Variants in DAPK2 observed in about 807,000 individuals in gnomAD.
The protein encoded by DAPK2 is death-associated protein kinase 2.
In DAPK2, 35 loss-of-function variants were observed where a neutral mutation model predicts 44.1. The ratio of observed to expected loss-of-function variants is 0.79; its 90% CI spans 0.61 to 1.05. The LOEUF (loss-of-function observed/expected upper bound fraction) is 1.05, where lower values mean the gene tolerates loss of function less well. Ranked by LOEUF, DAPK2 falls within the 50% of genes least tolerant of loss-of-function variation. The probability of loss-of-function intolerance (pLI) is 0.00; values close to 1 mark genes in which losing one functional copy is unlikely to be tolerated. For synonymous variants in DAPK2, 174 were observed against 182.6 expected (o/e 0.95, Z 0.38); for missense variants, 453 against 483.2 (o/e 0.94, Z 0.59).
chr15:64,001,445 A>C (rs1002339797), intron 1 of DAPK2, among the ~76,000 whole-genome samples: 1 of 152,132 alleles, frequency 6.6e-6, no homozygotes, highest in African/African-American at 2.4e-5. Flanking sequence ...TCTCTCCAAA[A>C]TTCAGAGCAA....
In DAPK2 at chr15:63,911,513, T is replaced by A. The variant is rs941058593; in HGVS notation, c.1032+395A>T. On this transcript the variant is annotated intron_variant, in intron 10 of 10. Coordinates refer to ENST00000261891, the Ensembl canonical transcript of DAPK2. ...TATTGTCTAAATATTATGATGATGG[T>A]AATCTGAAACAAAGCAGAAATAGAA... 7.3e-5 allele frequency: 17 copies of A among 232,212 alleles called. No individual in the cohort carries two copies. In the Admixed American group the frequency reaches 8.2e-4, roughly 11 times the overall value. The allele number at this position is 232,212 out of a possible 1,614,324, so 14.4% of individuals were successfully genotyped here.
chr15:63,965,191 C>T (rs112394132), intron 3 of DAPK2, among the ~76,000 whole-genome samples: 4,146 of 152,348 alleles, frequency 0.027, 196 homozygotes, highest in African/African-American at 0.09. Context: ...CCCAGTAATG[C>T]TGTGGTTCTT....
At chr15:63,988,348 A>G (rs751351418) in intron 1 of DAPK2, among the ~76,000 whole-genome samples, 3 of 152,090 alleles carry the variant, frequency 2.0e-5, no homozygotes, top group Non-Finnish European at 2.9e-5. Context: ...AATGTCCCCA[A>G]CCTCAGCTCT....
chr15:63,925,328 C>T (rs1057183128), intron 7 of DAPK2, among the ~76,000 whole-genome samples: 7 of 152,124 alleles, frequency 4.6e-5, no homozygotes, highest in African/African-American at 7.2e-5. Flanking sequence ...CCACTCTGGC[C>T]CTCTCTGAAG....
At chr15:64,035,933 C>T (rs946299413) in intron 1 of DAPK2, among the ~76,000 whole-genome samples, 35 of 152,118 alleles carry the variant, frequency 2.3e-4, no homozygotes, top group African/African-American at 8.2e-4. Context: ...CAGAGATGCT[C>T]TTACTCATAG....
At chr15:63,951,676 G>C (rs1453475120) in intron 3 of DAPK2, among the ~76,000 whole-genome samples, 1 of 152,154 alleles carries the variant, frequency 6.6e-6, no homozygotes, top group Non-Finnish European at 1.5e-5. Context: ...TGGTACCATA[G>C]CACATTGATG....
In DAPK2 at chr15:63,939,120, A is replaced by T; in HGVS notation, c.583+112T>A. On this transcript the variant is annotated intron_variant, in intron 4 of 10. Transcript: ENST00000261891. This position sits in a 1 kb window ranked among gnomAD's most constrained non-coding sequence, Gnocchi z 4.3. ...CCCATTAGGTTTCTAGAGATGTCCC[A>T]ATGCATCATCTCTTTGCTCAGAGGC... is the stretch of plus-strand genomic sequence containing the variant. 2 of 1,516,484 alleles carry T rather than the reference A, an allele frequency of 1.3e-6. No homozygotes were observed. Among genetic ancestry groups the T allele is most frequent in the South Asian group, 2.6e-5 (2 of 78,084 alleles). The allele number at this position is 1,516,484 out of a possible 1,614,324, so 93.9% of individuals were successfully genotyped here. A position where few individuals can be genotyped will look rare whatever the true frequency, so the allele number is the denominator to read the frequency against.
chr15:63,996,583 T>A (rs1325223779), intron 1 of DAPK2, among the ~76,000 whole-genome samples: 2 of 152,236 alleles, frequency 1.3e-5, no homozygotes, highest in African/African-American at 4.8e-5. Context: ...CCTCTCATCA[T>A]AGGTTGCCTC....
At chr15:63,952,055 C>A (rs1006377846) in intron 3 of DAPK2, among the ~76,000 whole-genome samples, 2 of 152,140 alleles carry the variant, frequency 1.3e-5, no homozygotes, top group Admixed American at 6.5e-5. Flanking sequence ...GCCTGGCCAA[C>A]ATGGTGAAAA....
chr15:63,924,338 G>A (rs1382728927), intron 8 of DAPK2, among the ~76,000 whole-genome samples: 3 of 152,104 alleles, frequency 2.0e-5, no homozygotes, highest in African/African-American at 7.2e-5. Context: ...TCTGTCTCAG[G>A]CCCCATTCCT....
At chr15:64,034,059 C>A (rs1885905304) in intron 1 of DAPK2, among the ~76,000 whole-genome samples, 1 of 152,060 alleles carries the variant, frequency 6.6e-6, no homozygotes, top group Non-Finnish European at 1.5e-5. Context: ...CTATAATAAA[C>A]AAACATCTTT....
At chr15:63,970,797 T>C (rs1318753429) in intron 3 of DAPK2, among the ~76,000 whole-genome samples, 1 of 152,250 alleles carries the variant, frequency 6.6e-6, no homozygotes, top group Non-Finnish European at 1.5e-5. Flanking sequence ...CTGATCCTTC[T>C]ACTTTGACCA....
chr15:64,024,019 G>A (rs143523870), intron 1 of DAPK2, among the ~76,000 whole-genome samples: 204 of 152,302 alleles, frequency 1.3e-3, no homozygotes, highest in African/African-American at 3.9e-3. Flanking sequence ...TCTACCTTGC[G>A]CGGTTAAGTA....
intron 3 of DAPK2, among the ~76,000 whole-genome samples, chr15:63,948,257 T>A (rs1595778868): frequency 1.0e-5 from 1 of 97,678 alleles, no homozygotes; most frequent in Non-Finnish European, 1.9e-5. Context: ...CATGATGGAG[T>A]GAGACTCCAT....
chr15:64,028,305 T>C (rs1212240373), intron 1 of DAPK2, among the ~76,000 whole-genome samples: 1 of 152,208 alleles, frequency 6.6e-6, no homozygotes, highest in East Asian at 1.9e-4. Context: ...GTGATCTGCC[T>C]GCCTTAGCCT....
chr15:63,968,867 C>G (rs1432959337), intron 3 of DAPK2, among the ~76,000 whole-genome samples: 1 of 152,208 alleles, frequency 6.6e-6, no homozygotes, highest in Non-Finnish European at 1.5e-5. Context: ...CTCCTCCTAC[C>G]AGACCCATTC....
intron 2 of DAPK2, among the ~76,000 whole-genome samples, chr15:63,981,555 T>C (rs2078515275): frequency 6.6e-6 from 1 of 152,014 alleles, no homozygotes; most frequent in African/African-American, 2.4e-5. Context: ...ACAATGATTG[T>C]ATACAAATAG....
chr15:64,031,348 T>C (rs1011396981), intron 1 of DAPK2, among the ~76,000 whole-genome samples: 1 of 151,972 alleles, frequency 6.6e-6, no homozygotes, highest in Non-Finnish European at 1.5e-5. Flanking sequence ...TCCTCCCATC[T>C]CATCCTCCCA....
intron 2 of DAPK2, among the ~76,000 whole-genome samples, chr15:63,979,640 C>A (rs1419424658): frequency 2.6e-5 from 4 of 152,252 alleles, no homozygotes; most frequent in East Asian, 1.9e-4. Context: ...AGGCTGGGTG[C>A]GGTGGCTCAT....
Sources: allele counts gnomAD v4.1 joint callset (sites outside exome capture counted in the v4.1 genomes callset), GRCh38; gene constraint gnomAD v4.1.1; non-coding constraint Gnocchi (gnomAD v3.1); transcripts MANE v1.5; gene names NCBI Gene and HGNC (gene_info 2026-07-23, HGNC 2026-07-21).